The following FAM53A variants were observed in gnomAD, a reference collection of about 807,000 sequenced individuals.
FAM53A encodes protein FAM53A.
FAM53A carries 28 observed loss-of-function variants against 26.6 expected under a neutral mutation model. The observed-to-expected ratio is 1.05, with a 90% CI of 0.78 to 1.45. The LOEUF (loss-of-function observed/expected upper bound fraction) is 1.45, where lower values mean the gene tolerates loss of function less well. Ranked by LOEUF, FAM53A falls within the 40% of genes most tolerant of loss-of-function variation. The pLI is 0.00. For missense variants in FAM53A, 650 were observed against 575.8 expected, an observed-to-expected ratio of 1.13 and a Z score of -1.32; for synonymous variants, 290 against 253.1, an observed-to-expected ratio of 1.15 and a Z score of -1.38.
At chr4:1,597,228 C>G in the FAM53A span, among the ~76,000 whole-genome samples, 14 of 30,990 alleles carry the variant, frequency 4.5e-4, no homozygotes, top group East Asian at 4.7e-3. Context: ...CCGCCTGGCT[C>G]TCTATCAGGG....
intron 1 of FAM53A, among the ~76,000 whole-genome samples, chr4:1,675,627 C>T (rs1282184195): frequency 6.6e-6 from 1 of 152,174 alleles, no homozygotes; most frequent in African/African-American, 2.4e-5. Context: ...CTGCACCCAG[C>T]TCAAGCCTGA....
At chr4:1,623,384 G>A (rs1314283866) in intron 1 of FAM53A, among the ~76,000 whole-genome samples, 2 of 150,570 alleles carry the variant, frequency 1.3e-5, no homozygotes, top group East Asian at 3.9e-4. Flanking sequence ...GCCTCAAGCA[G>A]AGTTGCGTTT....
intron 4 of FAM53A, 91 bp downstream of exon 4, chr4:1,654,887 A>C (rs1235016000): frequency 5.6e-6 from 8 of 1,426,760 alleles, no homozygotes; most frequent in Non-Finnish European, 7.4e-6. Flanking sequence ...GGATGCTAAC[A>C]GCCACATCCA....
Position 1,659,370 on chromosome 4 carries a change from T to C in FAM53A, c.76-1902A>G, listed in dbSNP as rs1713658177. On this transcript the variant is annotated intron_variant, in intron 2 of 4. Coordinates refer to ENST00000308132, the MANE Select transcript of FAM53A (RefSeq NM_001174070.3). This position sits in a 1 kb window ranked among gnomAD's most constrained non-coding sequence, Gnocchi z 5.2. ...AGCAAGCACCAGGACCTCGCTCTCC[T>C]CCTGTTCCGCACAGCACCCGTTCCC... Among the ~76,000 whole-genome samples, 2 of 152,216 alleles carry C rather than the reference T, an allele frequency of 1.3e-5. No homozygotes were observed. Among genetic ancestry groups the C allele is most frequent in the South Asian group, 2.1e-4 (1 of 4,832 alleles).
At chr4:1,649,302 T>C (rs1358336176) in intron 4 of FAM53A, among the ~76,000 whole-genome samples, 1 of 152,152 alleles carries the variant, frequency 6.6e-6, no homozygotes, top group Admixed American at 6.5e-5. Context: ...CTGCCTATCC[T>C]CTCTGTAAGC....
the FAM53A span, among the ~76,000 whole-genome samples, chr4:1,604,137 G>A: frequency 2.6e-5 from 4 of 152,204 alleles, no homozygotes; most frequent in Admixed American, 6.5e-5. Context: ...GGGTGGACAG[G>A]ACCCGAGGAA....
the FAM53A span, among the ~76,000 whole-genome samples, chr4:1,594,015 AGGGGCCGCTG>A: frequency 1.3e-5 from 2 of 152,144 alleles, no homozygotes; most frequent in African/African-American, 2.4e-5. Context: ...GAGGGAGAGC[AGGGGCCGCTG>A]GGGGCAGCTC....
chr4:1,623,753 T>A (rs1715159679), intron 1 of FAM53A, among the ~76,000 whole-genome samples: 1 of 152,186 alleles, frequency 6.6e-6, no homozygotes, highest in Non-Finnish European at 1.5e-5. Flanking sequence ...TTACCATACA[T>A]TCCCGGGGCG....
At chr4:1,605,470 G>C in the FAM53A span, among the ~76,000 whole-genome samples, 1 of 152,292 alleles carries the variant, frequency 6.6e-6, no homozygotes, top group Admixed American at 6.5e-5. This position sits in a 1 kb window ranked among gnomAD's most constrained non-coding sequence, Gnocchi z 5.7. Flanking sequence ...CGTGGAGCCT[G>C]ACTCGGAGTG....
the FAM53A span, among the ~76,000 whole-genome samples, chr4:1,586,032 C>A: frequency 2.6e-5 from 4 of 152,322 alleles, no homozygotes; most frequent in African/African-American, 9.6e-5. Flanking sequence ...CCACCTCACC[C>A]AGCTTCCTTC....
the FAM53A span, among the ~76,000 whole-genome samples, chr4:1,585,404 A>G: frequency 6.7e-6 from 1 of 149,314 alleles, no homozygotes; most frequent in Admixed American, 6.8e-5. Context: ...CTCCTGCCTC[A>G]GTCTCCTCAG....
downstream of FAM53A, among the ~76,000 whole-genome samples, chr4:1,616,113 A>G (rs1560101223): frequency 1.3e-5 from 2 of 152,286 alleles, no homozygotes; most frequent in East Asian, 1.9e-4. Context: ...AAATCAAGAC[A>G]CCGGCAAGAC....
At chr4:1,617,414 AG>A (rs1714849344), downstream of FAM53A, among the ~76,000 whole-genome samples, 1 of 152,182 alleles carries the variant, frequency 6.6e-6, no homozygotes, top group Non-Finnish European at 1.5e-5. Context: ...TACCAGCTTC[AG>A]GGAAGTGCTG....
chr4:1,610,163 AG>A, the FAM53A span, among the ~76,000 whole-genome samples: 41 of 150,850 alleles, frequency 2.7e-4, no homozygotes, highest in African/African-American at 9.0e-4. Flanking sequence ...CTCAGTGCCG[AG>A]GGGGCACCCA....
chr4:1,606,742 T>G, the FAM53A span, among the ~76,000 whole-genome samples: 5 of 152,206 alleles, frequency 3.3e-5, no homozygotes, highest in Non-Finnish European at 1.5e-5. Context: ...GACCCCTGTG[T>G]AGCGTTCCCC....
chr4:1,615,776 G>A (rs1714791503), downstream of FAM53A, among the ~76,000 whole-genome samples: 1 of 152,264 alleles, frequency 6.6e-6, no homozygotes, highest in African/African-American at 2.4e-5. Flanking sequence ...TTATCAAGGA[G>A]GCAAATGTGC....
chr4:1,644,671 A>C, intron 4 of FAM53A: 1 of 268,592 alleles, frequency 3.7e-6, no homozygotes, highest in Non-Finnish European at 7.1e-6. Flanking sequence ...CAGTTGTCCA[A>C]AACACAAAGG....
chr4:1,623,207 C>T (rs1006446364), intron 1 of FAM53A, among the ~76,000 whole-genome samples: 3 of 152,292 alleles, frequency 2.0e-5, no homozygotes, highest in South Asian at 2.1e-4. Context: ...GGGACATCAG[C>T]GGTAGAGGAG....
At chr4:1,685,925 C>T (rs1715787128), upstream of FAM53A, among the ~76,000 whole-genome samples, 4 of 152,194 alleles carry the variant, frequency 2.6e-5, no homozygotes, top group Admixed American at 2.6e-4. Context: ...GGACTGGAGA[C>T]AACCACTTCA....
Sources: gnomAD v4.1 joint callset for allele counts (sites outside exome capture counted in the v4.1 genomes callset) on GRCh38, gnomAD v4.1.1 for gene constraint, Gnocchi (gnomAD v3.1) non-coding constraint, MANE v1.5 for transcripts, NCBI Gene and HGNC (gene_info 2026-07-23, HGNC 2026-07-21) for gene names.